Variants in DOCK4 observed in about 807,000 individuals in gnomAD.
The protein encoded by DOCK4 is dedicator of cytokinesis protein 4.
Under a neutral mutation model 268.1 loss-of-function variants are expected in DOCK4, and 97 were observed. The ratio of observed to expected loss-of-function variants is 0.36; its 90% confidence interval spans 0.31 to 0.43. The LOEUF (loss-of-function observed/expected upper bound fraction) is 0.43, where lower values mean the gene tolerates loss of function less well. Ranked by LOEUF, DOCK4 falls within the 20% of genes least tolerant of loss-of-function variation. The pLI is 1.00. For synonymous variants in DOCK4, 954 were observed against 887.2 expected, an observed-to-expected ratio of 1.08 and a Z score of -1.34; for missense variants, 2,145 against 2,455.7, an observed-to-expected ratio of 0.87 and a Z score of 2.67.
rs3213632 is a variant in DOCK4, at chr7:111,765,084, G to A, written c.4020+34C>T. 0.02 allele frequency: 21,247 copies of A among 1,061,210 alleles called. 2,349 individuals are homozygous for A. In the African/African-American group the frequency reaches 0.27, roughly 13 times the overall value. 65.7% of individuals were successfully genotyped at this position (1,061,210 alleles called of 1,614,324 possible). ...TCTTGATTGGGATATCTATATGAGA[G>A]CTGTGAAAGCAAATTAAATAGTATA... On this transcript the variant is annotated intron_variant, in intron 39 of 52. Transcript: ENST00000428084.
chr7:111,812,916 A>G (rs1354952414), intron 27 of DOCK4, among the ~76,000 whole-genome samples: 3 of 152,232 alleles, frequency 2.0e-5, no homozygotes, highest in Non-Finnish European at 4.4e-5. Flanking sequence ...AGCCATAGGT[A>G]GCTCGCTGGG....
intron 30 of DOCK4, among the ~76,000 whole-genome samples, chr7:111,806,345 G>A (rs947207810): frequency 6.6e-6 from 1 of 152,164 alleles, no homozygotes; most frequent in African/African-American, 2.4e-5. Context: ...AAAAATATAT[G>A]TTGGAAGAGA....
chr7:111,989,329 C>T (rs1445565017), intron 5 of DOCK4, among the ~76,000 whole-genome samples, 166 bp from the exon 6 acceptor site: 2 of 152,238 alleles, frequency 1.3e-5, no homozygotes, highest in African/African-American at 2.4e-5. Context: ...TCCTCAAACA[C>T]ACTCGCTGCC....
intron 17 of DOCK4, 90 bp from the exon 18 acceptor site, chr7:111,872,654 C>A: frequency 9.2e-7 from 1 of 1,083,504 alleles, no homozygotes. Context: ...AAATTCTTAA[C>A]ACATGTGGCT....
At chr7:112,134,924 T>A (rs1814178320) in intron 1 of DOCK4, among the ~76,000 whole-genome samples, 1 of 152,192 alleles carries the variant, frequency 6.6e-6, no homozygotes, top group Non-Finnish European at 1.5e-5. Context: ...CACATTTACT[T>A]CAGTAATTTC....
chr7:111,844,183 G>A (rs1481027935), intron 25 of DOCK4, among the ~76,000 whole-genome samples: 1 of 152,128 alleles, frequency 6.6e-6, no homozygotes, highest in African/African-American at 2.4e-5. Context: ...GCTGAGGCAC[G>A]GAGAATTACT....
chr7:111,735,200 G>T, intron 50 of DOCK4, 33 bp from the exon 51 acceptor site: 1 of 1,419,372 alleles, frequency 7.0e-7, no homozygotes, highest in South Asian at 1.4e-5. Context: ...AAAACACACG[G>T]TCCAGCTTTG....
intron 1 of DOCK4, among the ~76,000 whole-genome samples, chr7:112,136,021 T>C (rs1304414193): frequency 1.3e-5 from 2 of 152,178 alleles, no homozygotes; most frequent in Non-Finnish European, 2.9e-5. Context: ...ATTTTTCCTG[T>C]GTCATACACC....
intron 1 of DOCK4, among the ~76,000 whole-genome samples, chr7:112,153,444 T>C (rs1054058512): frequency 6.6e-6 from 1 of 152,196 alleles, no homozygotes. Flanking sequence ...AATGTTCCTA[T>C]GAAGGGAGGA....
chr7:111,975,694 A>G (rs1023245025), intron 8 of DOCK4, among the ~76,000 whole-genome samples: 1 of 152,206 alleles, frequency 6.6e-6, no homozygotes, highest in Non-Finnish European at 1.5e-5. Context: ...TTCTATGGAC[A>G]TAGTCCACTG....
At chr7:111,828,713 G>A (rs1235756379) in intron 26 of DOCK4, among the ~76,000 whole-genome samples, 1 of 151,982 alleles carries the variant, frequency 6.6e-6, no homozygotes, top group Non-Finnish European at 1.5e-5. Flanking sequence ...GATGTTTACT[G>A]CAAGACCCAT....
In DOCK4 at chr7:111,728,432, G is replaced by C; in HGVS notation, c.5770C>G (p.Pro1924Ala). Reference sequence around the variant, plus strand: ...GGGATGGAGAGGCTGTGAGGTAGCGGGACGGGGCGCCGCAGAGTCCGCTCG... The same window carrying C: ...GGGATGGAGAGGCTGTGAGGTAGCGCGACGGGGCGCCGCAGAGTCCGCTCG... ...VYERTLRRPVPLPHSLSIPVT... is the reference protein window; with the variant it reads ...VYERTLRRPVALPHSLSIPVT... The change falls in exon 53 of 53, where the codon CCG (proline) becomes GCG (alanine). Residue 1924 changes from proline to alanine, a missense_variant. By Grantham distance (27) the Pro-to-Ala change is conservative. This residue lies in a region of DOCK4 where 547 missense variants were observed against 469.0 expected (regional missense o/e 1.17). Coordinates refer to ENST00000428084, the MANE Select transcript of DOCK4 (RefSeq NM_001363540.2). The C allele has an allele frequency of 6.3e-7, 1 of 1,590,854 alleles. No individual in the cohort carries two copies. The highest frequency in any genetic ancestry group is 1.1e-5 in the South Asian group (1 of 87,410).
At chr7:112,166,753 T>C (rs543840545) in intron 1 of DOCK4, among the ~76,000 whole-genome samples, 5 of 152,198 alleles carry the variant, frequency 3.3e-5, no homozygotes, top group Non-Finnish European at 7.3e-5. Context: ...GAAAAACTGT[T>C]AAATGTTTAA....
chr7:111,904,553 A>T (rs1330388828), intron 13 of DOCK4, among the ~76,000 whole-genome samples: 1 of 152,170 alleles, frequency 6.6e-6, no homozygotes, highest in African/African-American at 2.4e-5. Context: ...AAAGGGCATT[A>T]GCTTCTCAGG....
chr7:111,786,161 G>A (rs1358003074), intron 32 of DOCK4, among the ~76,000 whole-genome samples: 2 of 152,206 alleles, frequency 1.3e-5, no homozygotes, highest in Non-Finnish European at 2.9e-5. Context: ...TTGAAATAAT[G>A]TGGAGTCTTA....
chr7:112,140,451 A>C (rs1814795435), intron 1 of DOCK4, among the ~76,000 whole-genome samples: 1 of 152,108 alleles, frequency 6.6e-6, no homozygotes, highest in African/African-American at 2.4e-5. Flanking sequence ...TTTGGGGGTC[A>C]TTCCTTAAGA....
chr7:111,959,534 G>C (rs1336163028), intron 8 of DOCK4, among the ~76,000 whole-genome samples: 2 of 152,178 alleles, frequency 1.3e-5, no homozygotes, highest in African/African-American at 2.4e-5. Flanking sequence ...AGTGCAGGGA[G>C]TGAAAAAGCC....
chr7:111,890,223 A>C (rs1374644564), intron 16 of DOCK4, among the ~76,000 whole-genome samples: 1 of 152,118 alleles, frequency 6.6e-6, no homozygotes, highest in East Asian at 1.9e-4. Context: ...TTTTTGCTTC[A>C]TTCTCTTTTC....
At chr7:112,205,696 C>G (rs887140916) in intron 1 of DOCK4, among the ~76,000 whole-genome samples, 3 of 152,040 alleles carry the variant, frequency 2.0e-5, no homozygotes, top group Non-Finnish European at 2.9e-5. Context: ...CCCAGAGGAA[C>G]CGTTGCAGCT....
Sources: allele counts gnomAD v4.1 joint callset (sites outside exome capture counted in the v4.1 genomes callset), GRCh38; gene constraint gnomAD v4.1.1; regional missense constraint gnomAD v4.1.1; transcripts MANE v1.5; gene names NCBI Gene and HGNC (gene_info 2026-07-23, HGNC 2026-07-21).